Variants in HSF5 observed in about 807,000 individuals in gnomAD.
HSF5 encodes the protein heat shock transcription factor 5.
Under a neutral mutation model 50.8 loss-of-function variants are expected in HSF5, and 5 were observed. That is an observed-to-expected ratio of 0.10 (90% CI 0.05 to 0.21). The LOEUF (loss-of-function observed/expected upper bound fraction) is 0.21. Ranked by LOEUF, HSF5 falls within the 10% of genes least tolerant of loss-of-function variation. The probability of loss-of-function intolerance (pLI) is 1.00; values close to 1 mark genes in which losing one functional copy is unlikely to be tolerated. For synonymous variants in HSF5, 307 were observed against 307.4 expected, an observed-to-expected ratio of 1.00 and a Z score of 0.02; for missense variants, 564 against 762.6, an observed-to-expected ratio of 0.74 and a Z score of 3.07.
chr17:58,438,755 T>C (rs907345654), intron 5 of HSF5, among the ~76,000 whole-genome samples: 1 of 152,094 alleles, frequency 6.6e-6, no homozygotes, highest in African/African-American at 2.4e-5. Flanking sequence ...TGACAACTTA[T>C]TGACTAGAGT....
chr17:58,440,222 G>A (rs1042651901), intron 5 of HSF5, among the ~76,000 whole-genome samples: 5 of 152,206 alleles, frequency 3.3e-5, no homozygotes, highest in Admixed American at 1.3e-4. Flanking sequence ...CCATCTGTAG[G>A]AGATTGAGAG....
intron 3 of HSF5, among the ~76,000 whole-genome samples, chr17:58,465,182 CTTTTTTT>C (rs529950180): frequency 2.9e-5 from 2 of 69,338 alleles, no homozygotes; most frequent in African/African-American, 1.3e-4. Context: ...TATTTCTTTT[CTTTTTTT>C]TTTTTTTTTT....
chr17:58,466,841 T>C, intron 3 of HSF5, 44 bp downstream of exon 3: 1 of 1,189,804 alleles, frequency 8.4e-7, no homozygotes, highest in Non-Finnish European at 1.3e-6. Context: ...TCGATAAAAT[T>C]GCACATAAAG....
intron 5 of HSF5, among the ~76,000 whole-genome samples, chr17:58,427,620 T>C (rs1424209101): frequency 6.6e-6 from 1 of 152,246 alleles, no homozygotes; most frequent in African/African-American, 2.4e-5. Context: ...GAAATTTAAA[T>C]GATATTTTAG....
chr17:58,471,386 A>T (rs1974941334), intron 2 of HSF5, among the ~76,000 whole-genome samples: 1 of 152,226 alleles, frequency 6.6e-6, no homozygotes, highest in African/African-American at 2.4e-5. Context: ...CAAGAGTAAC[A>T]GCACCAAAAA....
At chr17:58,482,220 GA>G (rs541670096) in intron 1 of HSF5, among the ~76,000 whole-genome samples, 3 of 152,038 alleles carry the variant, frequency 2.0e-5, no homozygotes, top group Non-Finnish European at 2.9e-5. Context: ...CTAATAGGGG[GA>G]AAAAATCCTA....
intron 4 of HSF5, among the ~76,000 whole-genome samples, chr17:58,461,664 G>C (rs1249548317): frequency 3.9e-5 from 6 of 152,184 alleles, no homozygotes; most frequent in Admixed American, 3.9e-4. Flanking sequence ...CTGAGGTCAG[G>C]AGTTCAAGAC....
At chr17:58,469,340 T>C (rs1367647982) in intron 2 of HSF5, among the ~76,000 whole-genome samples, 2 of 152,202 alleles carry the variant, frequency 1.3e-5, no homozygotes. Context: ...CTCAGAGAAA[T>C]AAACTACAAT....
chr17:58,452,826 T>A (rs891919456), intron 5 of HSF5, among the ~76,000 whole-genome samples: 2 of 152,160 alleles, frequency 1.3e-5, no homozygotes, highest in East Asian at 3.9e-4. Context: ...AGTTTGCATG[T>A]TCAACAGTGA....
At chr17:58,486,907 T>C (rs1975190229) in intron 1 of HSF5, among the ~76,000 whole-genome samples, 1 of 142,472 alleles carries the variant, frequency 7.0e-6, no homozygotes, top group Non-Finnish European at 1.5e-5. Context: ...TCTCTCTTTT[T>C]TTTTTTTTTT....
rs748130096 is a variant in HSF5 at position 58,463,172 on chromosome 17, G to A, written c.1152C>T (p.Ser384=). ...CCTTTACCATCTCCAATTTAGGGGAGGAATGCAACTCATCAACTATCTGAA... is the reference window on the plus strand; with the variant it reads ...CCTTTACCATCTCCAATTTAGGGGAAGAATGCAACTCATCAACTATCTGAA... The part of the protein sequence containing the change: ...AVFQIVDELH[S]SPKLEMVKVE... Residue 384 remains serine (S), a synonymous_variant, in exon 4 of 6, where the codon TCC becomes TCT. Transcript: ENST00000323777. 6 of 1,614,168 alleles carry A rather than the reference G, an allele frequency of 3.7e-6. No homozygotes were observed. In the South Asian group the frequency reaches 5.5e-5, roughly 15 times the overall value.
intron 5 of HSF5, among the ~76,000 whole-genome samples, chr17:58,425,170 G>A (rs985121218): frequency 6.6e-6 from 1 of 151,982 alleles, no homozygotes; most frequent in African/African-American, 2.4e-5. Context: ...AGGCTGAGGC[G>A]GGCAGCTCAC....
intron 2 of HSF5, among the ~76,000 whole-genome samples, chr17:58,472,593 TCAAA>T (rs1451354410): frequency 6.6e-6 from 1 of 152,174 alleles, no homozygotes; most frequent in Non-Finnish European, 1.5e-5. Context: ...AATTCCTCAC[TCAAA>T]CTATTAAGGC....
At chr17:58,449,865 T>C (rs1279031770) in intron 5 of HSF5, among the ~76,000 whole-genome samples, 4 of 143,714 alleles carry the variant, frequency 2.8e-5, no homozygotes, top group African/African-American at 5.2e-5. Flanking sequence ...CTACTAAAAA[T>C]ACAAAAAATT....
chr17:58,456,164 T>TACACAC (rs756729016), intron 5 of HSF5, among the ~76,000 whole-genome samples: 105 of 130,584 alleles, frequency 8.0e-4, no homozygotes, highest in African/African-American at 2.3e-3. Flanking sequence ...TGTGTGTGTA[T>TACACAC]ATACACACAC....
intron 5 of HSF5, among the ~76,000 whole-genome samples, chr17:58,442,361 G>T (rs1029609377): frequency 2.0e-5 from 3 of 152,198 alleles, no homozygotes; most frequent in Admixed American, 6.5e-5. Context: ...CAAGGGTGAG[G>T]TCCTCCAGTA....
chr17:58,448,607 T>C (rs1443067453), intron 5 of HSF5, among the ~76,000 whole-genome samples: 1 of 151,702 alleles, frequency 6.6e-6, no homozygotes, highest in South Asian at 2.1e-4. Flanking sequence ...GAAAAAAAAA[T>C]TGCCAATCAA....
chr17:58,449,516 A>T (rs1192228137), intron 5 of HSF5, among the ~76,000 whole-genome samples: 2 of 151,930 alleles, frequency 1.3e-5, no homozygotes, highest in Non-Finnish European at 2.9e-5. Context: ...CCTGGCCAAC[A>T]TGGTGAAACC....
At chr17:58,439,408 T>C (rs1275683711) in intron 5 of HSF5, among the ~76,000 whole-genome samples, 1 of 151,096 alleles carries the variant, frequency 6.6e-6, no homozygotes, top group Non-Finnish European at 1.5e-5. Context: ...GAAGATATTA[T>C]ATCCATATAA....
Sources: gnomAD v4.1 joint callset for allele counts (sites outside exome capture counted in the v4.1 genomes callset) on GRCh38, gnomAD v4.1.1 for gene constraint, MANE v1.5 for transcripts, NCBI Gene and HGNC (gene_info 2026-07-23, HGNC 2026-07-21) for gene names.